ECE2: variants seen among roughly 807,000 people sequenced by gnomAD.
ECE2 encodes endothelin converting enzyme 2.
In ECE2, 81 loss-of-function variants were observed where a neutral mutation model predicts 100.6. The observed-to-expected ratio is 0.81, with a 90% CI of 0.67 to 0.97. The LOEUF (loss-of-function observed/expected upper bound fraction) is 0.97. ECE2 is among the 50% of genes least tolerant of loss of function. ECE2 has a pLI of 0.00. For missense variants in ECE2, 911 were observed against 988.1 expected, an observed-to-expected ratio of 0.92 and a Z score of 1.05; for synonymous variants, 391 against 391.5, an observed-to-expected ratio of 1.00 and a Z score of 0.02.
intron 3 of ECE2, 39 bp from the exon 4 acceptor site, chr3:184,277,208 AGACT>A: frequency 6.2e-7 from 1 of 1,612,174 alleles, no homozygotes; most frequent in Non-Finnish European, 8.5e-7. Context: ...CCAGACAGAC[AGACT>A]GACAGTCTCC....
chr3:184,291,647 A>C lies in ECE2; in HGVS notation c.2121+208A>C. ...AGCCTGAAGAGGCCTGAGCGGGAGA[A>C]TGCCTTGGTAGGATTTCGCATAGTT... On this transcript the variant is annotated intron_variant, in intron 18 of 18. Transcript: ENST00000404464. This position sits in a 1 kb window ranked among gnomAD's most constrained non-coding sequence, Gnocchi z 4.1. The C allele has an allele frequency of 1.9e-6, 1 of 529,324 alleles. No homozygotes were observed. Among genetic ancestry groups the C allele is most frequent in the Non-Finnish European group, 3.3e-6 (1 of 301,894 alleles). The allele number at this position is 529,324 out of a possible 1,614,324, so 32.8% of individuals were successfully genotyped here. A position where few individuals can be genotyped will look rare whatever the true frequency, so the allele number is the denominator to read the frequency against.
At chr3:184,276,703 A>G (rs1720568521) in intron 2 of ECE2, 136 bp downstream of exon 2, 1 of 1,540,352 alleles carries the variant, frequency 6.5e-7, no homozygotes, top group Non-Finnish European at 8.8e-7. Context: ...CTCTAGGACT[A>G]TGGTGAGGCG....
At chr3:184,287,387 G>A (rs1204620276) in intron 10 of ECE2, among the ~76,000 whole-genome samples, 2 of 151,700 alleles carry the variant, frequency 1.3e-5, no homozygotes, top group South Asian at 2.1e-4. Flanking sequence ...ATGGGGGACT[G>A]ACTGGATATA....
At chr3:184,280,165 A>G (rs1241398931) in intron 7 of ECE2, among the ~76,000 whole-genome samples, 1 of 152,144 alleles carries the variant, frequency 6.6e-6, no homozygotes, top group Non-Finnish European at 1.5e-5. Flanking sequence ...TGTCTCTAGG[A>G]AGAACCAGCT....
chr3:184,278,990 A>T (rs1720698625), intron 7 of ECE2: 1 of 175,146 alleles, frequency 5.7e-6, no homozygotes. Flanking sequence ...TAGAATACAT[A>T]GGAGTGGATG....
intron 7 of ECE2, among the ~76,000 whole-genome samples, chr3:184,281,450 C>G (rs943522849): frequency 2.0e-5 from 3 of 152,238 alleles, no homozygotes; most frequent in Non-Finnish European, 4.4e-5. Flanking sequence ...GGCCAGCCCA[C>G]TGGCCATTCT....
chr3:184,277,444 G>A lies in ECE2; in HGVS notation c.456G>A (p.Gln152=), dbSNP rs1409509769. The A allele has an allele frequency of 1.9e-6, 3 of 1,614,096 alleles. No homozygotes were observed. The highest frequency in any genetic ancestry group is 1.3e-5 in the African/African-American group (1 of 74,952). ...NTFNSLWDQN[Q]AILKHLLENT... ...TCAACAGCCTCTGGGACCAAAACCA[G>A]GCCATACTGAAGCACCTGCTTGGTG... is the stretch of plus-strand genomic sequence containing the variant. The change falls in exon 4 of 19, where the codon CAG becomes CAA. Residue 152 remains glutamine (Q), a synonymous_variant. Coordinates refer to ENST00000404464, the MANE Select transcript of ECE2 (RefSeq NM_001100121.2).
At chr3:184,278,827 TC>T in intron 7 of ECE2, 1 of 505,494 alleles carries the variant, frequency 2.0e-6, no homozygotes. Flanking sequence ...GATATAAGTT[TC>T]CGAGCCATTG....
chr3:184,287,471 C>A (rs1341440101), intron 10 of ECE2, among the ~76,000 whole-genome samples: 1 of 152,026 alleles, frequency 6.6e-6, no homozygotes, highest in African/African-American at 2.4e-5. Flanking sequence ...GCGGGCAGAT[C>A]ACTTGAGCTC....
rs139730987 is a variant in ECE2, at chr3:184,285,589, G to A, written c.1260G>A (p.Lys420=). 1.7e-4 allele frequency: 278 copies of A among 1,612,288 alleles called. 1 individual carries two copies. The African/African-American group carries it at 3.3e-3, about 19-fold the overall frequency. ...TGCTGGAGACCCTCTATGGCACTAAGAAGGTGGGCTTTCTGATTTTGCCTC... is the reference window on the plus strand; with the variant it reads ...TGCTGGAGACCCTCTATGGCACTAAAAAGGTGGGCTTTCTGATTTTGCCTC... The part of the protein sequence containing the change: ...EKLLETLYGT[K]KSCVPRWQTC... The change falls in exon 10 of 19, where the codon AAG becomes AAA. Residue 420 remains lysine, a synonymous_variant. Coordinates refer to ENST00000404464, the MANE Select transcript of ECE2 (RefSeq NM_001100121.2).
At chr3:184,277,177 C>G in intron 3 of ECE2, 74 bp from the exon 4 acceptor site, 7 of 1,603,986 alleles carry the variant, frequency 4.4e-6, no homozygotes, top group Non-Finnish European at 6.0e-6. Flanking sequence ...GCTGTCATGG[C>G]CCTTGCAGAG....
chr3:184,277,942 T>C lies in ECE2; in HGVS notation c.496T>C (p.Ser166Pro), dbSNP rs746916386. ...CCCCACAGAAAACACCACCTTCAAC[T>C]CCAGCAGTGAAGCTGAGCAGAAGAC... ...KHLLENTTFNSSSEAEQKTQR... is the reference protein window; with the variant it reads ...KHLLENTTFNPSSEAEQKTQR... The change falls in exon 5 of 19, where the codon TCC becomes CCC. Residue 166 changes from serine (S) to proline (P), a missense_variant. Transcript: ENST00000404464. The C allele has an allele frequency of 7.4e-6, 12 of 1,612,504 alleles. No homozygotes were observed. In the South Asian group the frequency reaches 9.9e-5, roughly 13 times the overall value.
Position 184,283,831 on chromosome 3 carries a change from T to A in ECE2, c.863T>A (p.Leu288Gln). ...LDYMEELGML[L>Q]GGRPTSTREQ... Reference sequence around the variant, plus strand: ...TACATGGAGGAACTGGGGATGCTGCTGGGTGGGCGGCCCACCTCCACGAGG... The same window carrying A: ...TACATGGAGGAACTGGGGATGCTGCAGGGTGGGCGGCCCACCTCCACGAGG... The change falls in exon 8 of 19, where the codon CTG becomes CAG. Residue 288 changes from leucine (L) to glutamine (Q), a missense_variant. By Grantham distance (113) the Leu-to-Gln change is moderately radical. Transcript: ENST00000404464. 6.2e-7 allele frequency: 1 copy of A among 1,613,774 alleles called. No individual in the cohort carries two copies. Among genetic ancestry groups the A allele is most frequent in the Non-Finnish European group, 8.5e-7 (1 of 1,179,968 alleles).
At position 184,291,182 on chromosome 3, in the gene ECE2, G is replaced by A. The variant is rs900845450; in HGVS notation, c.1977G>A (p.Thr659=). 16 of 1,613,706 alleles carry A rather than the reference G, an allele frequency of 9.9e-6. No individual in the cohort carries two copies. Among genetic ancestry groups the A allele is most frequent in the African/African-American group, 2.7e-5 (2 of 74,926 alleles). ...GGGAGAGGCTCAACGGCCGCCAGAC[G>A]CTGGGGGAGAACATTGCTGACAACG... ...VNGERLNGRQ[T]LGENIADNGG... is the part of the protein sequence containing the mutation. The change falls in exon 17 of 19, where the codon ACG becomes ACA. Residue 659 remains threonine (T), a synonymous_variant. Transcript: ENST00000404464. This position sits in a 1 kb window ranked among gnomAD's most constrained non-coding sequence, Gnocchi z 4.1.
rs1721380945 is a variant in ECE2 at position 184,292,611 on chromosome 3, G to T, written c.*373G>T. ...CCACTGTGACCCACAGGCCTGGGTG[G>T]TGTACCTCCTGGACTTCTCCCCAGG... On this transcript the variant is annotated 3_prime_UTR_variant, in exon 19 of 19. Coordinates refer to ENST00000404464, the MANE Select transcript of ECE2 (RefSeq NM_001100121.2). 3.5e-6 allele frequency: 1 copy of T among 283,854 alleles called. No individual in the cohort carries two copies. The highest frequency in any genetic ancestry group is 6.8e-6 in the Non-Finnish European group (1 of 146,196). 17.6% of individuals were successfully genotyped at this position (283,854 alleles called of 1,614,324 possible).
At chr3:184,282,773 C>T (rs1223643240) in intron 7 of ECE2, among the ~76,000 whole-genome samples, 4 of 152,198 alleles carry the variant, frequency 2.6e-5, no homozygotes, top group Non-Finnish European at 5.9e-5. Context: ...AGCTTCTGCC[C>T]TGGGGTGTGA....
chr3:184,284,081 C>A, intron 8 of ECE2, 108 bp downstream of exon 8: 1 of 1,370,088 alleles, frequency 7.3e-7, no homozygotes, highest in Non-Finnish European at 1.0e-6. Context: ...TTTCCTCATT[C>A]CCTTGCTTTT....
intron 2 of ECE2, 91 bp from the exon 3 acceptor site, chr3:184,276,801 G>A: frequency 1.3e-6 from 2 of 1,580,654 alleles, no homozygotes; most frequent in South Asian, 2.3e-5. Context: ...TTAACCCTGT[G>A]GCTCTGAAAA....
Position 184,276,522 on chromosome 3 carries a change from A to T in ECE2, c.81A>T (p.Ala27=). The T allele has an allele frequency of 6.2e-7, 1 of 1,611,278 alleles. No homozygotes were observed. The highest frequency in any genetic ancestry group is 1.1e-5 in the South Asian group (1 of 90,754). The change falls in exon 2 of 19, where the codon GCA becomes GCT. Residue 27 remains alanine, a synonymous_variant. Transcript: ENST00000404464. ...GGGCCACGCTTCGGGATGAAGACGC[A>T]CCCGAGACCCCCGTAGAGGGCGGGG... ...YKRATLRDED[A]PETPVEGGAS... is the part of the protein sequence containing the mutation.
Sources: gnomAD v4.1 joint callset for allele counts (sites outside exome capture counted in the v4.1 genomes callset) on GRCh38, gnomAD v4.1.1 for gene constraint, Gnocchi (gnomAD v3.1) non-coding constraint, MANE v1.5 for transcripts, NCBI Gene and HGNC (gene_info 2026-07-23, HGNC 2026-07-21) for gene names.